WBP4: variants seen among roughly 807,000 people sequenced by gnomAD.
WBP4 encodes the protein WW domain-binding protein 4.
Under a neutral mutation model 55.4 loss-of-function variants are expected in WBP4, and 37 were observed. That is an observed-to-expected ratio of 0.67 (90% CI 0.51 to 0.88). The LOEUF (loss-of-function observed/expected upper bound fraction) is 0.88, where lower values mean the gene tolerates loss of function less well. WBP4 is among the 40% of genes least tolerant of loss of function. The pLI, the probability that WBP4 is intolerant of heterozygous loss-of-function variation, is 0.00. For synonymous variants in WBP4, 142 were observed against 140.2 expected (o/e 1.01, Z -0.09); for missense variants, 398 against 420.8 (o/e 0.95, Z 0.47).
At chr13:41,080,879 C>A (rs1201831280) in intron 9 of WBP4, 70 bp downstream of exon 9, 3 of 1,477,682 alleles carry the variant, frequency 2.0e-6, no homozygotes, top group Non-Finnish European at 2.8e-6. Flanking sequence ...CCCTAAATTG[C>A]AGTAAGTAAT....
chr13:41,079,955 G>A (rs576139719), intron 8 of WBP4, among the ~76,000 whole-genome samples: 56 of 150,682 alleles, frequency 3.7e-4, no homozygotes, highest in Non-Finnish European at 7.2e-4. Flanking sequence ...TAACCTAAGT[G>A]AAATAACTCA....
chr13:41,071,986 C>T (rs906746863), intron 6 of WBP4, among the ~76,000 whole-genome samples: 4 of 142,598 alleles, frequency 2.8e-5, no homozygotes, highest in African/African-American at 1.1e-4. Context: ...CAGAGGTTAA[C>T]AGTGAGCCGA....
chr13:41,081,759 A>G (rs1413224859), intron 9 of WBP4, among the ~76,000 whole-genome samples: 1 of 152,160 alleles, frequency 6.6e-6, no homozygotes, highest in Non-Finnish European at 1.5e-5. Context: ...GGCTGCTTTG[A>G]GCTATGATGG....
chr13:41,069,070 AC>A (rs1878114897), intron 5 of WBP4, among the ~76,000 whole-genome samples: 1 of 152,240 alleles, frequency 6.6e-6, no homozygotes, highest in Non-Finnish European at 1.5e-5. Flanking sequence ...AATCCACTTC[AC>A]AAATTGTAGG....
At position 41,065,307 on chromosome 13, in the gene WBP4, A is replaced by G. The variant is rs75393966; in HGVS notation, c.262+20A>G. On this transcript the variant is annotated intron_variant, in intron 4 of 9. Coordinates refer to ENST00000379487, the MANE Select transcript of WBP4 (RefSeq NM_007187.5). ...AGTCAGGTAAAAAAAAAAAAAAAAA[A>G]AAAGCAGCCAGCATGTTTTAAAAGT... 3.2e-6 allele frequency: 5 copies of G among 1,554,364 alleles called. No homozygotes were observed. Among genetic ancestry groups the G allele is most frequent in the Admixed American group, 2.3e-5 (1 of 44,394 alleles).
Position 41,061,595 on chromosome 13 carries a change from G to A in WBP4, c.-79G>A. The A allele has an allele frequency of 6.2e-7, 1 of 1,612,108 alleles. No individual in the cohort carries two copies. The highest frequency in any genetic ancestry group is 1.1e-5 in the South Asian group (1 of 90,898). On this transcript the variant is annotated 5_prime_UTR_variant, in exon 1 of 10. Transcript: ENST00000379487. ...GGTTCGGGTGGGCATCGGGCGGCTG[G>A]AAGAGCTCGACTCGTCCCGCTGGGA...
At chr13:41,070,615 TTTTGGTAGCTAA>T (rs1878199735) in intron 5 of WBP4, among the ~76,000 whole-genome samples, 1 of 152,014 alleles carries the variant, frequency 6.6e-6, no homozygotes, top group Admixed American at 6.6e-5. Context: ...ATATGACAGC[TTTTGGTAGCTAA>T]TTGATGGTTA....
chr13:41,080,482 A>C (rs1878720374), intron 8 of WBP4, among the ~76,000 whole-genome samples, 164 bp from the exon 9 acceptor site: 1 of 152,316 alleles, frequency 6.6e-6, no homozygotes, highest in Non-Finnish European at 1.5e-5. Flanking sequence ...TGGAAAACCT[A>C]ATCAAGCAGT....
At chr13:41,066,210 A>G (rs146423338) in intron 4 of WBP4, among the ~76,000 whole-genome samples, 72 of 152,358 alleles carry the variant, frequency 4.7e-4, no homozygotes, top group African/African-American at 1.7e-3. Flanking sequence ...ATTATCAATT[A>G]TATGCATTGA....
chr13:41,065,126 C>T (rs1877897006), intron 3 of WBP4, 38 bp from the exon 4 acceptor site: 2 of 1,601,886 alleles, frequency 1.2e-6, no homozygotes, highest in South Asian at 2.3e-5. Context: ...AATGTCAGTC[C>T]TTTATCTCAC....
chr13:41,080,983 A>AG (rs1225614733), intron 9 of WBP4, among the ~76,000 whole-genome samples, 174 bp downstream of exon 9: 1 of 151,580 alleles, frequency 6.6e-6, no homozygotes, highest in East Asian at 2.0e-4. Context: ...GCGGATCACG[A>AG]GGTCAAGAGA....
rs775209844 is a variant in WBP4, at chr13:41,071,519, G to C, written c.440-8G>C. 6.2e-7 allele frequency: 1 copy of C among 1,600,404 alleles called. No homozygotes were observed. The highest frequency in any genetic ancestry group is 8.5e-7 in the Non-Finnish European group (1 of 1,175,028). ...AGATTTTATAAATGCAATATATTTT[G>C]CTTTAAGCATCTCAGTGGGAGAAAC... On this transcript the variant is annotated splice_region_variant and splice_polypyrimidine_tract_variant and intron_variant, in intron 5 of 9. Transcript: ENST00000379487.
chr13:41,079,099 A>G (rs147567497), intron 8 of WBP4, among the ~76,000 whole-genome samples: 3 of 152,364 alleles, frequency 2.0e-5, no homozygotes, highest in South Asian at 2.1e-4. Flanking sequence ...CAAGGGACTC[A>G]ACAAGAAAAA....
At chr13:41,081,034 T>G (rs1316428738) in intron 9 of WBP4, among the ~76,000 whole-genome samples, 2 of 151,368 alleles carry the variant, frequency 1.3e-5, no homozygotes. Context: ...CTGTCTCTAC[T>G]AAAAATACAA....
At chr13:41,082,182 G>A (rs183259480) in intron 9 of WBP4, among the ~76,000 whole-genome samples, 1 of 152,238 alleles carries the variant, frequency 6.6e-6, no homozygotes, top group Admixed American at 6.5e-5. Context: ...ATGAGATCTC[G>A]ACTCGCTGCA....
At chr13:41,063,168 T>C (rs1877780296) in intron 2 of WBP4, among the ~76,000 whole-genome samples, 1 of 152,210 alleles carries the variant, frequency 6.6e-6, no homozygotes, top group African/African-American at 2.4e-5. Context: ...CACCATTATT[T>C]CCTTTCTCAT....
At chr13:41,062,618 T>C (rs1877742015) in intron 1 of WBP4, 26 bp from the exon 2 acceptor site, 2 of 1,608,138 alleles carry the variant, frequency 1.2e-6, no homozygotes, top group Non-Finnish European at 1.7e-6. Flanking sequence ...TTACATGAGC[T>C]TAGCCTTGTT....
rs111232890 is a variant in WBP4, at chr13:41,083,782, A to G, written c.*868A>G. ...GCTTCAGTAAAAGTTTTTAGTGTTT[A>G]CTTAAATTAGTAATTTCTCACTTTC... On this transcript the variant is annotated 3_prime_UTR_variant, in exon 10 of 10. Coordinates refer to ENST00000379487, the MANE Select transcript of WBP4 (RefSeq NM_007187.5). 181 of 152,258 alleles carry G rather than the reference A, an allele frequency of 1.2e-3. 1 individual carries two copies. Among genetic ancestry groups the G allele is most frequent in the African/African-American group, 4.3e-3 (179 of 41,564 alleles). 9.4% of individuals were successfully genotyped at this position (152,258 alleles called of 1,614,324 possible).
intron 7 of WBP4, among the ~76,000 whole-genome samples, chr13:41,075,488 C>A (rs1199452800): frequency 6.6e-6 from 1 of 152,130 alleles, no homozygotes; most frequent in Non-Finnish European, 1.5e-5. Context: ...CTCAAGCAGT[C>A]TTCCCGCCTC....
Sources: gnomAD v4.1 joint callset for allele counts (sites outside exome capture counted in the v4.1 genomes callset) on GRCh38, gnomAD v4.1.1 for gene constraint, MANE v1.5 for transcripts, NCBI Gene and HGNC (gene_info 2026-07-23, HGNC 2026-07-21) for gene names.